Variants in NAALADL2 observed in about 807,000 individuals in gnomAD.
The protein encoded by NAALADL2 is N-acetylated alpha-linked acidic dipeptidase like 2.
Under a neutral mutation model 87.2 loss-of-function variants are expected in NAALADL2, and 76 were observed. The observed-to-expected ratio is 0.87, with a 90% CI of 0.72 to 1.05. The LOEUF (loss-of-function observed/expected upper bound fraction) is 1.05, where lower values mean the gene tolerates loss of function less well. Ranked by LOEUF, NAALADL2 falls within the 50% of genes least tolerant of loss-of-function variation. NAALADL2 has a pLI of 0.00. For missense variants in NAALADL2, 1,089 were observed against 945.8 expected, an observed-to-expected ratio of 1.15 and a Z score of -1.99; for synonymous variants, 354 against 331.0, an observed-to-expected ratio of 1.07 and a Z score of -0.75.
At chr3:175,570,559 C>A (rs1415203605) in intron 9 of NAALADL2, among the ~76,000 whole-genome samples, 1 of 152,048 alleles carries the variant, frequency 6.6e-6, no homozygotes, top group Non-Finnish European at 1.5e-5. Context: ...ATTGAACTTA[C>A]AAGACTATAA....
chr3:174,559,289 G>A (rs1415329511), intron 2 of NAALADL2, among the ~76,000 whole-genome samples: 1 of 152,122 alleles, frequency 6.6e-6, no homozygotes, highest in African/African-American at 2.4e-5. Context: ...AGACAAGATG[G>A]TGAATCCCTG....
At chr3:174,810,232 G>C (rs1720015829) in intron 3 of NAALADL2, among the ~76,000 whole-genome samples, 2 of 152,292 alleles carry the variant, frequency 1.3e-5, no homozygotes, top group South Asian at 2.1e-4. Flanking sequence ...AGCGACTTTT[G>C]AGCTGGGTAA....
At chr3:175,312,840 A>C (rs909040157) in intron 4 of NAALADL2, among the ~76,000 whole-genome samples, 1 of 152,234 alleles carries the variant, frequency 6.6e-6, no homozygotes, top group Non-Finnish European at 1.5e-5. Flanking sequence ...TAAGTACTTG[A>C]TAATTTGACC....
chr3:175,338,224 C>G (rs764916372), intron 5 of NAALADL2, among the ~76,000 whole-genome samples: 1 of 151,794 alleles, frequency 6.6e-6, no homozygotes. Context: ...TTTAGCTGAC[C>G]CTAAGAGAGG....
At chr3:174,449,073 A>G (rs1380405249) in intron 1 of NAALADL2, among the ~76,000 whole-genome samples, 1 of 152,204 alleles carries the variant, frequency 6.6e-6, no homozygotes, top group East Asian at 1.9e-4. Context: ...CTGTGAAATA[A>G]GTTCTTGAAG....
chr3:175,077,394 A>T (rs1716800900), intron 1 of NAALADL2, among the ~76,000 whole-genome samples: 1 of 152,222 alleles, frequency 6.6e-6, no homozygotes, highest in Non-Finnish European at 1.5e-5. Flanking sequence ...AGTGAAGTTA[A>T]ACAAAACATC....
intron 1 of NAALADL2, among the ~76,000 whole-genome samples, chr3:175,095,268 C>A (rs1322750142): frequency 6.6e-6 from 1 of 152,022 alleles, no homozygotes; most frequent in Admixed American, 6.6e-5. Flanking sequence ...CTCGTATTTT[C>A]TGCTAGAATC....
intron 6 of NAALADL2, among the ~76,000 whole-genome samples, chr3:175,451,941 G>A (rs6801770): frequency 0.059 from 8,956 of 152,012 alleles, 340 homozygotes; most frequent in Middle Eastern, 0.12. Flanking sequence ...TTCCTAATCT[G>A]TTAGTAGTTA....
At chr3:174,993,426 A>C (rs1747009103) in intron 1 of NAALADL2, among the ~76,000 whole-genome samples, 1 of 152,112 alleles carries the variant, frequency 6.6e-6, no homozygotes, top group African/African-American at 2.4e-5. Context: ...CCTCTCTTCA[A>C]GCAAGTGAGA....
chr3:175,074,594 C>T (rs1053921836), intron 1 of NAALADL2, among the ~76,000 whole-genome samples: 3 of 152,048 alleles, frequency 2.0e-5, no homozygotes, highest in South Asian at 4.2e-4. Context: ...TCCCTAGATA[C>T]TTGACTATAT....
intron 1 of NAALADL2, among the ~76,000 whole-genome samples, chr3:175,013,301 ATT>A (rs753716843): frequency 7.1e-4 from 51 of 72,068 alleles, no homozygotes; most frequent in Non-Finnish European, 9.9e-4. Flanking sequence ...ATATATATAT[ATT>A]TTTTTTTTTT....
At chr3:175,639,549 T>C (rs1729018544) in intron 11 of NAALADL2, among the ~76,000 whole-genome samples, 2 of 152,056 alleles carry the variant, frequency 1.3e-5, no homozygotes, top group African/African-American at 4.8e-5. Context: ...CTTGATCTCC[T>C]GACCTCGTGA....
rs1178553561 is a variant in NAALADL2 at position 174,607,107 on chromosome 3, A to G, written c.-115+56470A>G. On this transcript the variant is annotated intron_variant, in intron 2 of 3. Coordinates refer to the NAALADL2 transcript ENST00000434257. Reference sequence around the variant, plus strand: ...GGAGAAATAAAATCCTTTACAGACAAGCAAATGCTGAGAGATTTTGTCACC... The same window carrying G: ...GGAGAAATAAAATCCTTTACAGACAGGCAAATGCTGAGAGATTTTGTCACC... Among the ~76,000 whole-genome samples, 65 of 152,276 alleles carry G rather than the reference A, an allele frequency of 4.3e-4. 1 individual carries two copies. Among genetic ancestry groups the G allele is most frequent in the Non-Finnish European group, 1.0e-4 (7 of 68,034 alleles).
chr3:175,273,209 G>A (rs1321665084), intron 4 of NAALADL2, among the ~76,000 whole-genome samples: 1 of 152,086 alleles, frequency 6.6e-6, no homozygotes, highest in African/African-American at 2.4e-5. Flanking sequence ...AATGCTTATT[G>A]TAGGTTGCAA....
At chr3:174,865,948 T>G (rs984638339) in intron 1 of NAALADL2, among the ~76,000 whole-genome samples, 1 of 151,786 alleles carries the variant, frequency 6.6e-6, no homozygotes, top group Non-Finnish European at 1.5e-5. Flanking sequence ...ATAAACATAA[T>G]AGAGATAAGA....
chr3:175,704,771 G>A (rs1039312602), intron 11 of NAALADL2, among the ~76,000 whole-genome samples: 1 of 152,180 alleles, frequency 6.6e-6, no homozygotes, highest in African/African-American at 2.4e-5. Context: ...TTGCACAGCT[G>A]TTTCTGCGCT....
intron 1 of NAALADL2, among the ~76,000 whole-genome samples, chr3:175,077,261 A>T (rs974254708): frequency 3.9e-5 from 6 of 152,218 alleles, no homozygotes; most frequent in Non-Finnish European, 5.9e-5. Flanking sequence ...GTGTAAAACG[A>T]TTGGAGAGAC....
At chr3:175,718,227 T>TTTTTTTTTTTTTAAA in intron 11 of NAALADL2, 5 of 1,037,686 alleles carry the variant, frequency 4.8e-6, no homozygotes, top group Non-Finnish European at 7.0e-6. Context: ...TTTTTTTGAT[T>TTTTTTTTTTTTTAAA]AGTTGCTGTA....
intron 2 of NAALADL2, among the ~76,000 whole-genome samples, chr3:175,108,446 C>T (rs1275583091): frequency 6.6e-6 from 1 of 151,958 alleles, no homozygotes; most frequent in East Asian, 1.9e-4. Flanking sequence ...CTATGGAGTA[C>T]ATTTGTATCT....
Sources: allele counts gnomAD v4.1 joint callset (sites outside exome capture counted in the v4.1 genomes callset), GRCh38; gene constraint gnomAD v4.1.1; transcripts MANE v1.5; gene names NCBI Gene and HGNC (gene_info 2026-07-23, HGNC 2026-07-21).